The following GRIP1 variants were observed in gnomAD, a reference collection of about 807,000 sequenced individuals.
The protein encoded by GRIP1 is glutamate receptor-interacting protein 1.
In GRIP1, 45 loss-of-function variants were observed where a neutral mutation model predicts 129.9. The ratio of observed to expected loss-of-function variants is 0.35; its 90% confidence interval spans 0.27 to 0.44. GRIP1 has a LOEUF of 0.44. Ranked by LOEUF, GRIP1 falls within the 20% of genes least tolerant of loss-of-function variation. GRIP1 has a pLI of 1.00. For synonymous variants in GRIP1, 530 were observed against 520.8 expected, an observed-to-expected ratio of 1.02 and a Z score of -0.24; for missense variants, 1,196 against 1,396.8, an observed-to-expected ratio of 0.86 and a Z score of 2.29.
chr12:66,527,901 C>T (rs927919688), intron 5 of GRIP1, among the ~76,000 whole-genome samples: 1 of 151,684 alleles, frequency 6.6e-6, no homozygotes, highest in African/African-American at 2.4e-5. Flanking sequence ...ATTATCTGTA[C>T]CCCAAGCCCC....
chr12:66,521,619 A>G (rs1194978525), intron 5 of GRIP1, among the ~76,000 whole-genome samples: 1 of 152,202 alleles, frequency 6.6e-6, no homozygotes, highest in East Asian at 1.9e-4. Flanking sequence ...CTGAGGTACC[A>G]GGTTCATCTC....
chr12:67,014,730 G>A (rs928400509), intron 1 of GRIP1, among the ~76,000 whole-genome samples: 4 of 152,014 alleles, frequency 2.6e-5, no homozygotes, highest in Non-Finnish European at 5.9e-5. Flanking sequence ...AAAAAAGAAG[G>A]CTGCCTAATT....
At chr12:66,624,713 C>T (rs1469839533) in intron 1 of GRIP1, among the ~76,000 whole-genome samples, 1 of 152,084 alleles carries the variant, frequency 6.6e-6, no homozygotes, top group Non-Finnish European at 1.5e-5. Flanking sequence ...TTGACTTTCT[C>T]CATGTGAAAT....
chr12:66,695,686 GA>G (rs1175446703), intron 1 of GRIP1, among the ~76,000 whole-genome samples: 4 of 152,188 alleles, frequency 2.6e-5, no homozygotes, highest in Non-Finnish European at 5.9e-5. Flanking sequence ...GCTTCTTGGG[GA>G]GGGCATTGGT....
At chr12:66,643,583 T>C (rs1014901650) in intron 1 of GRIP1, among the ~76,000 whole-genome samples, 13 of 151,980 alleles carry the variant, frequency 8.6e-5, no homozygotes, top group Non-Finnish European at 1.8e-4. Flanking sequence ...TTGGTTTTGG[T>C]ATTATTATTA....
intron 1 of GRIP1, among the ~76,000 whole-genome samples, chr12:66,705,966 A>G (rs1314923590): frequency 6.6e-6 from 1 of 152,334 alleles, no homozygotes; most frequent in East Asian, 1.9e-4. Context: ...AAGAAAACCT[A>G]GGCAATACCA....
chr12:66,633,750 G>A (rs2140059671), intron 1 of GRIP1, among the ~76,000 whole-genome samples: 1 of 152,290 alleles, frequency 6.6e-6, no homozygotes, highest in East Asian at 1.9e-4. Context: ...CATAAGCTGT[G>A]CTCTTACCCC....
At chr12:66,719,970 A>G (rs940191181) in intron 1 of GRIP1, among the ~76,000 whole-genome samples, 5 of 152,206 alleles carry the variant, frequency 3.3e-5, no homozygotes, top group Non-Finnish European at 7.3e-5. Context: ...TGAATAGGAC[A>G]TGTAGAGAAA....
At chr12:66,486,213 A>G (rs945508733) in intron 7 of GRIP1, among the ~76,000 whole-genome samples, 1 of 152,092 alleles carries the variant, frequency 6.6e-6, no homozygotes, top group Non-Finnish European at 1.5e-5. Context: ...TGAAATAATC[A>G]TGTTAGAATT....
intron 1 of GRIP1, among the ~76,000 whole-genome samples, chr12:66,651,442 C>T (rs1363017811): frequency 3.3e-5 from 5 of 152,178 alleles, no homozygotes; most frequent in Admixed American, 2.0e-4. Context: ...GCTTTTCTCC[C>T]GATGTCATTT....
At chr12:66,361,975 C>T (rs2054796496) in intron 23 of GRIP1, among the ~76,000 whole-genome samples, 1 of 151,954 alleles carries the variant, frequency 6.6e-6, no homozygotes, top group Non-Finnish European at 1.5e-5. Flanking sequence ...TTGCAACTAA[C>T]CAAACTCCCA....
At chr12:66,733,127 G>A (rs1469192104) in intron 1 of GRIP1, among the ~76,000 whole-genome samples, 2 of 152,092 alleles carry the variant, frequency 1.3e-5, no homozygotes, top group Non-Finnish European at 2.9e-5. Context: ...AAGCATCCTT[G>A]TAGCCACCAT....
intron 1 of GRIP1, among the ~76,000 whole-genome samples, chr12:66,610,704 T>C (rs2139875046): frequency 6.6e-6 from 1 of 152,258 alleles, no homozygotes; most frequent in South Asian, 2.1e-4. Flanking sequence ...AGCCTACAAA[T>C]ATGAAACATA....
intron 1 of GRIP1, among the ~76,000 whole-genome samples, chr12:67,011,625 T>G (rs2042709224): frequency 6.6e-6 from 1 of 151,698 alleles, no homozygotes; most frequent in African/African-American, 2.4e-5. Flanking sequence ...TTTTTTTTTG[T>G]CCTTCAGGGC....
chr12:66,741,663 G>T (rs187967847), intron 1 of GRIP1, among the ~76,000 whole-genome samples: 2 of 152,066 alleles, frequency 1.3e-5, no homozygotes, highest in African/African-American at 4.8e-5. Flanking sequence ...CAATCTAAAC[G>T]TTATTAAGGT....
intron 1 of GRIP1, among the ~76,000 whole-genome samples, chr12:66,753,182 A>T (rs1459532766): frequency 6.6e-6 from 1 of 152,176 alleles, no homozygotes; most frequent in Non-Finnish European, 1.5e-5. Context: ...TCAATGTAAA[A>T]TAATCTCACT....
At chr12:66,919,402 C>G (rs2870925) in intron 1 of GRIP1, among the ~76,000 whole-genome samples, 69,769 of 151,926 alleles carry the variant, frequency 0.46, 17,417 homozygotes, top group African/African-American at 0.66. Flanking sequence ...CTTTGGGGAT[C>G]TTTCATGTAA....
chr12:66,944,542 G>A (rs1333518871), intron 1 of GRIP1, among the ~76,000 whole-genome samples: 1 of 151,764 alleles, frequency 6.6e-6, no homozygotes, highest in Non-Finnish European at 1.5e-5. Flanking sequence ...GAGGGGTGGG[G>A]GTGCCATTCT....
At chr12:66,434,140 C>A (rs1176664918) in intron 13 of GRIP1, among the ~76,000 whole-genome samples, 2 of 152,186 alleles carry the variant, frequency 1.3e-5, no homozygotes, top group African/African-American at 4.8e-5. Flanking sequence ...TTTTGCCATA[C>A]AGTGTTAAAC....
Sources: allele counts gnomAD v4.1 joint callset (sites outside exome capture counted in the v4.1 genomes callset), GRCh38; gene constraint gnomAD v4.1.1; transcripts MANE v1.5; gene names NCBI Gene and HGNC (gene_info 2026-07-23, HGNC 2026-07-21).